The following ZDHHC14 variants were observed in gnomAD, a reference collection of about 807,000 sequenced individuals.
The protein encoded by ZDHHC14 is zDHHC palmitoyltransferase 14.
A neutral mutation model predicts 47.7 loss-of-function variants in ZDHHC14; 16 were observed. The ratio of observed to expected loss-of-function variants is 0.34; its 90% confidence interval spans 0.23 to 0.51. ZDHHC14 has a LOEUF of 0.51. ZDHHC14 is among the 20% of genes least tolerant of loss of function. The pLI, the probability that ZDHHC14 is intolerant of heterozygous loss-of-function variation, is 0.97. For missense variants in ZDHHC14, 515 were observed against 662.5 expected (o/e 0.78, Z 2.44); for synonymous variants, 293 against 278.9 (o/e 1.05, Z -0.50).
chr6:157,562,410 G>T (rs997121155), intron 2 of ZDHHC14, among the ~76,000 whole-genome samples: 5 of 152,180 alleles, frequency 3.3e-5, no homozygotes, highest in Non-Finnish European at 7.4e-5. Context: ...CGTGGCGAGG[G>T]GTCTCTGCCT....
rs1412494627 is a variant in ZDHHC14, at chr6:157,542,628, G to T, written c.289G>T (p.Val97Phe). ...AVKITPAIPA[V>F]AGILFFFVMG... Reference sequence around the variant, plus strand: ...GAAAATCACCCCTGCCATCCCTGCAGTCGCTGGCATCCTGTTCTTCTTTGT... The same window carrying T: ...GAAAATCACCCCTGCCATCCCTGCATTCGCTGGCATCCTGTTCTTCTTTGT... Residue 97 changes from valine (V) to phenylalanine (F), a missense_variant, in exon 2 of 9, where the codon GTC (valine) becomes TTC (phenylalanine). Transcript: ENST00000359775. The T allele has an allele frequency of 6.2e-7, 1 of 1,614,104 alleles. No homozygotes were observed. The highest frequency in any genetic ancestry group is 1.3e-5 in the African/African-American group (1 of 74,950).
intron 3 of ZDHHC14, among the ~76,000 whole-genome samples, chr6:157,599,644 C>A (rs1034394774): frequency 4.6e-5 from 7 of 152,272 alleles, no homozygotes; most frequent in African/African-American, 1.4e-4. Context: ...AAAAAATAAA[C>A]TGAACTTAGA....
chr6:157,558,855 G>A (rs1046306286), intron 2 of ZDHHC14, among the ~76,000 whole-genome samples: 1 of 152,058 alleles, frequency 6.6e-6, no homozygotes, highest in Non-Finnish European at 1.5e-5. Context: ...CTTCCCTGCT[G>A]TAGGAACTTT....
chr6:157,409,185 A>G (rs1270016411), intron 1 of ZDHHC14, among the ~76,000 whole-genome samples: 2 of 152,072 alleles, frequency 1.3e-5, no homozygotes, highest in Non-Finnish European at 2.9e-5. Context: ...GCTGAGGGAG[A>G]AGAGGCCAGC....
intron 1 of ZDHHC14, among the ~76,000 whole-genome samples, chr6:157,412,323 C>T (rs1357150495): frequency 9.2e-5 from 14 of 151,798 alleles, no homozygotes; most frequent in East Asian, 3.9e-4. Context: ...GATAGAGTCT[C>T]GCTGTGTCGC....
At chr6:157,580,611 T>G (rs1783477370) in intron 2 of ZDHHC14, among the ~76,000 whole-genome samples, 1 of 152,160 alleles carries the variant, frequency 6.6e-6, no homozygotes, top group South Asian at 2.1e-4. Context: ...CCTGGTTCAG[T>G]CTTTGGAGAT....
chr6:157,472,339 T>TAG (rs1482814798), intron 1 of ZDHHC14, among the ~76,000 whole-genome samples: 3 of 152,084 alleles, frequency 2.0e-5, no homozygotes, highest in Admixed American at 2.0e-4. Flanking sequence ...ACTCGCTGGA[T>TAG]AGACATTTAT....
At chr6:157,414,945 T>C (rs936031919) in intron 1 of ZDHHC14, among the ~76,000 whole-genome samples, 3 of 151,800 alleles carry the variant, frequency 2.0e-5, no homozygotes, top group African/African-American at 7.3e-5. Flanking sequence ...TTTGCTTGGA[T>C]CTTCGTAACT....
At chr6:157,581,828 G>A (rs191348983) in intron 2 of ZDHHC14, among the ~76,000 whole-genome samples, 1 of 151,982 alleles carries the variant, frequency 6.6e-6, no homozygotes, top group African/African-American at 2.4e-5. Flanking sequence ...ATGCGAGATG[G>A]GTCCCTTGAA....
At chr6:157,498,319 G>C (rs964567557) in intron 1 of ZDHHC14, among the ~76,000 whole-genome samples, 2 of 151,998 alleles carry the variant, frequency 1.3e-5, no homozygotes, top group African/African-American at 4.8e-5. Context: ...TAGACTTGGA[G>C]AGTGGAAGGT....
At chr6:157,665,254 T>G (rs1276672160) in intron 8 of ZDHHC14, among the ~76,000 whole-genome samples, 1 of 152,218 alleles carries the variant, frequency 6.6e-6, no homozygotes, top group Non-Finnish European at 1.5e-5. Flanking sequence ...AGAAGCTTTG[T>G]CTCTATAATT....
chr6:157,496,074 A>G (rs1419111811), intron 1 of ZDHHC14, among the ~76,000 whole-genome samples: 3 of 152,216 alleles, frequency 2.0e-5, no homozygotes. Context: ...ATTGTACCCA[A>G]TTCCACATGT....
intron 5 of ZDHHC14, among the ~76,000 whole-genome samples, chr6:157,634,889 T>C (rs763542096): frequency 9.9e-5 from 15 of 152,214 alleles, no homozygotes; most frequent in Non-Finnish European, 1.6e-4. Context: ...CTGCCTTGTG[T>C]CTGGCCTGCT....
chr6:157,575,589 C>T (rs1783275524), intron 2 of ZDHHC14, among the ~76,000 whole-genome samples: 1 of 152,126 alleles, frequency 6.6e-6, no homozygotes. Context: ...TGCCTGGTTC[C>T]CTGCTCCCAG....
chr6:157,646,427 A>C (rs1035585245), intron 6 of ZDHHC14: 1 of 152,178 alleles, frequency 6.6e-6, no homozygotes, highest in Admixed American at 6.6e-5. Context: ...CCCGGCTAAC[A>C]CAGTGAAATC....
chr6:157,424,110 C>T (rs1490717207), intron 1 of ZDHHC14, among the ~76,000 whole-genome samples: 3 of 152,192 alleles, frequency 2.0e-5, no homozygotes, highest in Non-Finnish European at 4.4e-5. Flanking sequence ...TTTTTCATAT[C>T]AAACAACACA....
At chr6:157,478,999 C>T (rs371517108) in intron 1 of ZDHHC14, among the ~76,000 whole-genome samples, 35 of 152,270 alleles carry the variant, frequency 2.3e-4, no homozygotes, top group African/African-American at 7.2e-4. Context: ...GAAAGGTCCG[C>T]GGGGAGACAT....
intron 1 of ZDHHC14, among the ~76,000 whole-genome samples, chr6:157,441,307 A>G (rs1315750626): frequency 1.3e-5 from 2 of 152,236 alleles, no homozygotes; most frequent in South Asian, 4.1e-4. Flanking sequence ...CTCTTCAGCT[A>G]GAAGTTGTTC....
intron 2 of ZDHHC14, among the ~76,000 whole-genome samples, chr6:157,558,564 A>G (rs561893517): frequency 2.6e-5 from 4 of 152,202 alleles, no homozygotes; most frequent in Non-Finnish European, 5.9e-5. Context: ...TAAGAAAAGC[A>G]ATGGCCCATC....
Sources: allele counts gnomAD v4.1 joint callset (sites outside exome capture counted in the v4.1 genomes callset), GRCh38; gene constraint gnomAD v4.1.1; transcripts MANE v1.5; gene names NCBI Gene and HGNC (gene_info 2026-07-23, HGNC 2026-07-21).